The following RTN1 variants were observed in gnomAD, a reference collection of about 807,000 sequenced individuals.
RTN1 encodes reticulon-1.
RTN1 carries 25 observed loss-of-function variants against 65.5 expected under a neutral mutation model. That is an observed-to-expected ratio of 0.38 (90% CI 0.28 to 0.53). The LOEUF is 0.53. Ranked by LOEUF, RTN1 falls within the 20% of genes least tolerant of loss-of-function variation. RTN1 has a pLI of 0.79. For missense variants in RTN1, 983 were observed against 1,025.4 expected, an observed-to-expected ratio of 0.96 and a Z score of 0.57; for synonymous variants, 471 against 447.6, an observed-to-expected ratio of 1.05 and a Z score of -0.66.
intron 1 of RTN1, among the ~76,000 whole-genome samples, chr14:59,815,457 C>A (rs984047702): frequency 3.3e-5 from 5 of 152,328 alleles, no homozygotes; most frequent in African/African-American, 1.2e-4. Context: ...CCTCCTGAAT[C>A]CCAAATCCCC....
At chr14:59,649,265 G>C (rs1482723833) in intron 3 of RTN1, among the ~76,000 whole-genome samples, 2 of 152,104 alleles carry the variant, frequency 1.3e-5, no homozygotes, top group African/African-American at 4.8e-5. Flanking sequence ...ACTCAAGATG[G>C]ATTGAAGACT....
In RTN1 at chr14:59,686,300, C is replaced by G. The variant is rs558321787; in HGVS notation, c.1765+40619G>C. The stretch of plus-strand genomic sequence containing the variant: ...TATGACCTCAAAAGCACAGGCAACA[C>G]AAACAAAAACAAAAAAATGAAATGA... On this transcript the variant is annotated intron_variant, in intron 3 of 8. Coordinates refer to ENST00000267484, the MANE Select transcript of RTN1 (RefSeq NM_021136.3). Among the ~76,000 whole-genome samples the G allele has an allele frequency of 2.4e-3, 367 of 151,996 alleles. 1 individual carries two copies. Among genetic ancestry groups the G allele is most frequent in the African/African-American group, 8.2e-3 (340 of 41,474 alleles).
chr14:59,776,997 A>G (rs920648859), intron 1 of RTN1, among the ~76,000 whole-genome samples: 3 of 152,186 alleles, frequency 2.0e-5, no homozygotes, highest in Non-Finnish European at 4.4e-5. Flanking sequence ...TCCACCTACC[A>G]TCACTGAAAG....
At chr14:59,749,540 T>TATATATTTATATAGATATCTATATATAG (rs1885365086) in intron 1 of RTN1, among the ~76,000 whole-genome samples, 1 of 54,568 alleles carries the variant, frequency 1.8e-5, no homozygotes, top group Non-Finnish European at 2.8e-5. Context: ...TATCTATCTA[T>TATATATTTATATAGATATCTATATATAG]ATATATTTAT....
intron 1 of RTN1, among the ~76,000 whole-genome samples, chr14:59,859,428 A>G (rs1887666755): frequency 6.6e-6 from 1 of 152,186 alleles, no homozygotes; most frequent in South Asian, 2.1e-4. Context: ...AGCCATATGG[A>G]ACTGTAAGTC....
Position 59,609,802 on chromosome 14 carries a change from A to G in RTN1, c.1766-2310T>C, listed in dbSNP as rs73307647. On this transcript the variant is annotated intron_variant, in intron 3 of 8. Coordinates refer to ENST00000267484, the MANE Select transcript of RTN1 (RefSeq NM_021136.3). Reference sequence around the variant, plus strand: ...CTTACACATCTGTTTTCATTTATTGAGCAGGAACTAAGTGCCAGGCTTTGT... The same window carrying G: ...CTTACACATCTGTTTTCATTTATTGGGCAGGAACTAAGTGCCAGGCTTTGT... 6.3e-3 allele frequency among the ~76,000 whole-genome samples: 954 copies of G among 152,318 alleles called. 9 individuals carry two copies. Among genetic ancestry groups the G allele is most frequent in the African/African-American group, 0.022 (919 of 41,582 alleles).
At chr14:59,648,478 G>A (rs1222693117) in intron 3 of RTN1, among the ~76,000 whole-genome samples, 9 of 152,120 alleles carry the variant, frequency 5.9e-5, no homozygotes, top group Admixed American at 5.9e-4. Flanking sequence ...ACCTGGCAGA[G>A]ACACAACAAA....
chr14:59,813,446 A>G (rs1345994919), intron 1 of RTN1, among the ~76,000 whole-genome samples: 1 of 152,190 alleles, frequency 6.6e-6, no homozygotes, highest in African/African-American at 2.4e-5. Flanking sequence ...TTATTGATGG[A>G]TGGGATTGAA....
chr14:59,622,712 G>T (rs1158569154), intron 3 of RTN1, among the ~76,000 whole-genome samples: 1 of 152,218 alleles, frequency 6.6e-6, no homozygotes, highest in African/African-American at 2.4e-5. Context: ...AACAGAAGTA[G>T]ATGTAAACAT....
chr14:59,607,453 C>T lies in RTN1; in HGVS notation c.1805G>A (p.Gly602Asp). Residue 602 changes from glycine to aspartate, a missense_variant, in exon 4 of 9, where the codon GGC becomes GAC. By Grantham distance (94) the Gly-to-Asp change is moderately conservative. Coordinates refer to ENST00000267484, the MANE Select transcript of RTN1 (RefSeq NM_021136.3). ...CAGCAGGAAACTCCCAAACACGATG[C>T]CCGTCTGCTTGATGTCCCGCCAATA... is the stretch of plus-strand genomic sequence containing the variant. ...LLYWRDIKQT[G>D]IVFGSFLLLL... 6.2e-7 allele frequency: 1 copy of T among 1,609,432 alleles called. No homozygotes were observed. The highest frequency in any genetic ancestry group is 8.5e-7 in the Non-Finnish European group (1 of 1,177,632).
intron 1 of RTN1, among the ~76,000 whole-genome samples, chr14:59,755,139 T>A (rs1885610912): frequency 1.3e-5 from 2 of 152,104 alleles, no homozygotes. Context: ...AAGCTCCTCT[T>A]ACTGCACTGA....
rs376692857 is a variant in RTN1, at chr14:59,740,422, C to T, written c.1015+5286G>A. 3.7e-4 allele frequency among the ~76,000 whole-genome samples: 56 copies of T among 152,324 alleles called. 3 individuals are homozygous for T. In the East Asian group the frequency reaches 7.7e-3, roughly 21 times the overall value. ...AATAAAAATACAGGACACTCAGTTA[C>T]ATTTGACTCTCAGCTAAACAATGAA... On this transcript the variant is annotated intron_variant, in intron 2 of 8. Transcript: ENST00000267484.
At chr14:59,747,607 A>G (rs554474775) in intron 1 of RTN1, among the ~76,000 whole-genome samples, 2 of 151,546 alleles carry the variant, frequency 1.3e-5, no homozygotes, top group African/African-American at 4.9e-5. Context: ...ACTCCATCTC[A>G]AAAAAAACAA....
At chr14:59,819,828 C>T (rs1449230888) in intron 1 of RTN1, among the ~76,000 whole-genome samples, 1 of 152,200 alleles carries the variant, frequency 6.6e-6, no homozygotes, top group Non-Finnish European at 1.5e-5. Context: ...AAGCCCCTCA[C>T]TGCCTGGGCC....
At chr14:59,709,791 T>C (rs1231231171) in intron 3 of RTN1, among the ~76,000 whole-genome samples, 1 of 152,192 alleles carries the variant, frequency 6.6e-6, no homozygotes, top group East Asian at 1.9e-4. Context: ...AAGCATTTTA[T>C]GTAAGAGGGA....
intron 1 of RTN1, among the ~76,000 whole-genome samples, chr14:59,847,711 T>C (rs1887434653): frequency 6.6e-6 from 1 of 152,234 alleles, no homozygotes; most frequent in Admixed American, 6.5e-5. Context: ...TTAAAAAATA[T>C]GCCTCCTTCT....
intron 2 of RTN1, among the ~76,000 whole-genome samples, chr14:59,741,231 C>T (rs1299925868): frequency 2.0e-5 from 3 of 152,184 alleles, no homozygotes; most frequent in African/African-American, 7.2e-5. Flanking sequence ...CAGCTCAGGG[C>T]CTTTGCACTG....
At chr14:59,770,435 T>C (rs78026293) in intron 1 of RTN1, among the ~76,000 whole-genome samples, 2 of 141,384 alleles carry the variant, frequency 1.4e-5, no homozygotes, top group Non-Finnish European at 3.1e-5. Flanking sequence ...CAAAGACTAA[T>C]GCATGATTTC....
intron 1 of RTN1, among the ~76,000 whole-genome samples, chr14:59,777,068 T>C (rs1886065909): frequency 6.6e-6 from 1 of 152,160 alleles, no homozygotes; most frequent in South Asian, 2.1e-4. Flanking sequence ...AGACTGAACA[T>C]GTCAGCATGA....
Sources: allele counts gnomAD v4.1 joint callset (sites outside exome capture counted in the v4.1 genomes callset), GRCh38; gene constraint gnomAD v4.1.1; transcripts MANE v1.5; gene names NCBI Gene and HGNC (gene_info 2026-07-23, HGNC 2026-07-21).